Variants in PHTF2 observed in about 807,000 individuals in gnomAD.
PHTF2 encodes the protein putative homeodomain transcription factor 2.
PHTF2 carries 60 observed loss-of-function variants against 101.2 expected under a neutral mutation model. The observed-to-expected ratio is 0.59, with a 90% CI of 0.48 to 0.73. The LOEUF is 0.73. Among genes scored for constraint, PHTF2 ranks in the 30% least tolerant of loss-of-function variants. The probability of loss-of-function intolerance (pLI) is 0.00; values close to 1 mark genes in which losing one functional copy is unlikely to be tolerated. For missense variants in PHTF2, 747 were observed against 908.7 expected, an observed-to-expected ratio of 0.82 and a Z score of 2.29; for synonymous variants, 311 against 307.3, an observed-to-expected ratio of 1.01 and a Z score of -0.13.
chr7:77,902,947 T>C (rs923562092), intron 7 of PHTF2, among the ~76,000 whole-genome samples: 1 of 152,158 alleles, frequency 6.6e-6, no homozygotes, highest in Non-Finnish European at 1.5e-5. Flanking sequence ...GTTTTCTGAT[T>C]AAAGATATAA....
intron 8 of PHTF2, chr7:77,909,168 T>TA: frequency 4.8e-6 from 2 of 416,530 alleles, no homozygotes; most frequent in African/African-American, 2.1e-5. Context: ...TGTTTTTGTT[T>TA]CTTTTTTTTT....
At chr7:77,843,209 G>A (rs1203333131) in intron 2 of PHTF2, among the ~76,000 whole-genome samples, 1 of 152,012 alleles carries the variant, frequency 6.6e-6, no homozygotes, top group Non-Finnish European at 1.5e-5. Context: ...TCAGTATTTG[G>A]TGCTTACATT....
intron 2 of PHTF2, among the ~76,000 whole-genome samples, chr7:77,850,705 G>GA (rs1327486804): frequency 6.6e-6 from 1 of 151,812 alleles, no homozygotes; most frequent in Admixed American, 6.6e-5. Context: ...GCTTTGGGGG[G>GA]AAAAAAACAA....
At chr7:77,855,912 G>A (rs1266934196) in intron 3 of PHTF2, among the ~76,000 whole-genome samples, 1 of 152,180 alleles carries the variant, frequency 6.6e-6, no homozygotes, top group Non-Finnish European at 1.5e-5. Flanking sequence ...TTTTCAGTGT[G>A]TCTTTCCTTG....
chr7:77,904,284 G>T (rs1030074326), intron 7 of PHTF2, among the ~76,000 whole-genome samples: 1 of 152,068 alleles, frequency 6.6e-6, no homozygotes, highest in African/African-American at 2.4e-5. Context: ...CTTTGCGTGG[G>T]GTAGCCCTTT....
intron 3 of PHTF2, among the ~76,000 whole-genome samples, chr7:77,868,698 A>G (rs1798276056): frequency 6.6e-6 from 1 of 152,198 alleles, no homozygotes; most frequent in Admixed American, 6.5e-5. Context: ...AATCAGATTT[A>G]TCCTAGGAAG....
intron 9 of PHTF2, among the ~76,000 whole-genome samples, chr7:77,917,231 A>G (rs1170376828): frequency 2.6e-5 from 4 of 152,182 alleles, no homozygotes; most frequent in Admixed American, 1.3e-4. Flanking sequence ...ACATATCTGT[A>G]TCAGTCTTTG....
chr7:77,916,385 G>GGT (rs1292854062), intron 9 of PHTF2, among the ~76,000 whole-genome samples: 1 of 152,094 alleles, frequency 6.6e-6, no homozygotes, highest in Non-Finnish European at 1.5e-5. Context: ...GTCCCTTTGA[G>GGT]GTAGTTACTT....
chr7:77,859,564 CTTTTTTT>C (rs34014317), intron 3 of PHTF2, among the ~76,000 whole-genome samples: 1 of 131,632 alleles, frequency 7.6e-6, no homozygotes, highest in Non-Finnish European at 1.6e-5. Flanking sequence ...TTTCTTTCTT[CTTTTTTT>C]TTTTTTTTTT....
In PHTF2 at chr7:77,883,271, C is replaced by G. The variant is rs75469057; in HGVS notation, c.148-10337C>G. The stretch of plus-strand genomic sequence containing the variant: ...TCCACTATTTCTGGATGAGATTTGT[C>G]TGAAGGTTATTCATCATTCTAATGA... On this transcript the variant is annotated intron_variant, in intron 3 of 19. Coordinates refer to ENST00000416283, the Ensembl canonical transcript of PHTF2. Among the ~76,000 whole-genome samples the G allele has an allele frequency of 4.7e-3, 722 of 152,196 alleles. 20 individuals carry two copies. Among genetic ancestry groups the G allele is most frequent in the Admixed American group, 0.037 (569 of 15,292 alleles).
Position 77,911,141 on chromosome 7 carries a change from T to C in PHTF2, c.776+732T>C, listed in dbSNP as rs183752657. ...AAATGTATATTATAGTATGTGATTCTACTTTTGTACAATGTACCATGAGCA... is the reference window on the plus strand; with the variant it reads ...AAATGTATATTATAGTATGTGATTCCACTTTTGTACAATGTACCATGAGCA... On this transcript the variant is annotated intron_variant, in intron 9 of 19. Coordinates refer to ENST00000416283, the Ensembl canonical transcript of PHTF2. Among the ~76,000 whole-genome samples the C allele has an allele frequency of 2.0e-5, 3 of 152,318 alleles. No individual in the cohort carries two copies. The South Asian group carries it at 6.2e-4, about 32-fold the overall frequency.
chr7:77,950,034 TG>T (rs1806403097), intron 17 of PHTF2, among the ~76,000 whole-genome samples: 2 of 152,242 alleles, frequency 1.3e-5, no homozygotes, highest in Non-Finnish European at 2.9e-5. Context: ...GCTTTTTTAA[TG>T]TCCCATTTTT....
exon 15 of PHTF2, chr7:77,940,533 A>G: frequency 6.3e-7 from 1 of 1,593,260 alleles, no homozygotes; most frequent in Non-Finnish European, 8.5e-7. Context: ...TTTAGCGATT[A>G]CTTTTTGCAA....
At position 77,940,415 on chromosome 7, in the gene PHTF2, A is replaced by T. The variant is rs67074819; in HGVS notation, c.1740+113A>T. The T allele has an allele frequency of 0.097, 124,095 of 1,285,340 alleles. 4,572 individuals are homozygous for T. Among genetic ancestry groups the T allele is most frequent in the Middle Eastern group, 0.13 (450 of 3,596 alleles). 79.6% of individuals were successfully genotyped at this position (1,285,340 alleles called of 1,614,324 possible). On this transcript the variant is annotated intron_variant, in intron 14 of 19. Transcript: ENST00000416283. ...TATCATTTTTACCTAATTATTTTTT[A>T]TTTTGCTTTTATAGTACCTAACCAA...
intron 1 of PHTF2, among the ~76,000 whole-genome samples, chr7:77,814,755 C>T (rs922196199): frequency 2.0e-5 from 3 of 152,006 alleles, no homozygotes; most frequent in Non-Finnish European, 2.9e-5. Flanking sequence ...CGTGAGCCAC[C>T]GCGCCCGGTC....
intron 3 of PHTF2, among the ~76,000 whole-genome samples, chr7:77,890,284 C>T (rs976024695): frequency 3.1e-4 from 47 of 152,158 alleles, no homozygotes; most frequent in South Asian, 1.0e-3. Context: ...TTTCTAACCT[C>T]GGGCCTATTA....
chr7:77,951,425 T>C (rs1422989770), intron 17 of PHTF2, among the ~76,000 whole-genome samples, 192 bp from the exon 17 acceptor site: 1 of 152,202 alleles, frequency 6.6e-6, no homozygotes, highest in Non-Finnish European at 1.5e-5. Flanking sequence ...TTGATTACAT[T>C]TCAAAAGTGT....
Position 77,863,790 on chromosome 7 carries a change from T to G in PHTF2, c.147+8956T>G, listed in dbSNP as rs529849843. On this transcript the variant is annotated intron_variant, in intron 3 of 19. Coordinates refer to ENST00000416283, the Ensembl canonical transcript of PHTF2. ...ACTGAGTTCCCTGTTTTGTTTTGTT[T>G]TTTTTTTTTTTTGGAAGATAGGTTC... Among the ~76,000 whole-genome samples, 21 of 150,764 alleles carry G rather than the reference T, an allele frequency of 1.4e-4. No individual in the cohort carries two copies. The South Asian group carries it at 2.9e-3, about 21-fold the overall frequency.
chr7:77,908,723 C>A, intron 7 of PHTF2, 70 bp from the exon 7 acceptor site: 1 of 1,000,642 alleles, frequency 1.0e-6, no homozygotes, highest in Non-Finnish European at 1.4e-6. Flanking sequence ...AATGTAAAAA[C>A]AATTTTAAAA....
Sources: gnomAD v4.1 joint callset for allele counts (sites outside exome capture counted in the v4.1 genomes callset) on GRCh38, gnomAD v4.1.1 for gene constraint, MANE v1.5 for transcripts, NCBI Gene and HGNC (gene_info 2026-07-23, HGNC 2026-07-21) for gene names.